The following NEK1 variants were observed in gnomAD, a reference collection of about 807,000 sequenced individuals.
NEK1 encodes the protein NIMA related kinase 1, also known as serine/threonine-protein kinase Nek1.
A neutral mutation model predicts 182.1 loss-of-function variants in NEK1; 137 were observed. The ratio of observed to expected loss-of-function variants is 0.75; its 90% CI spans 0.65 to 0.87. The LOEUF (loss-of-function observed/expected upper bound fraction) is 0.87, where lower values mean the gene tolerates loss of function less well. Ranked by LOEUF, NEK1 falls within the 40% of genes least tolerant of loss-of-function variation. The pLI is 0.00. For missense variants in NEK1, 1,391 were observed against 1,494.4 expected (o/e 0.93, Z 1.14); for synonymous variants, 513 against 492.2 (o/e 1.04, Z -0.56).
At chr4:169,450,290 C>A (rs1471785785) in intron 27 of NEK1, among the ~76,000 whole-genome samples, 4 of 152,134 alleles carry the variant, frequency 2.6e-5, no homozygotes, top group African/African-American at 7.2e-5. Context: ...CCCAACCTGG[C>A]AAGGCAGGCC....
intron 5 of NEK1, among the ~76,000 whole-genome samples, chr4:169,591,324 GT>G (rs201108020): frequency 6.6e-6 from 1 of 151,028 alleles, no homozygotes; most frequent in African/African-American, 2.4e-5. Context: ...TTTTATTTTT[GT>G]TTTTTTTACA....
chr4:169,569,757 G>T (rs1367483405), intron 12 of NEK1, among the ~76,000 whole-genome samples: 2 of 150,988 alleles, frequency 1.3e-5, no homozygotes, highest in Non-Finnish European at 3.0e-5. Context: ...GCCTCCCGAG[G>T]TGCCGGGATT....
chr4:169,596,165 G>C (rs771923075), intron 5 of NEK1, among the ~76,000 whole-genome samples: 1 of 152,042 alleles, frequency 6.6e-6, no homozygotes, highest in Non-Finnish European at 1.5e-5. Flanking sequence ...CCTGACGTTA[G>C]GATAGAAGAA....
chr4:169,510,807 G>GT lies in NEK1; in HGVS notation c.1666-1956dup, dbSNP rs147290921. The stretch of plus-strand genomic sequence containing the variant: ...GACAACTACTTGTGGTCTGTAAACT[G>GT]TACCATGATCTCACTCATCCTCTTA... On this transcript the variant is annotated intron_variant, in intron 19 of 35. Coordinates refer to ENST00000507142, the MANE Select transcript of NEK1 (RefSeq NM_001199397.3). Among the ~76,000 whole-genome samples the GT allele has an allele frequency of 7.9e-3, 1,209 of 152,206 alleles. 20 individuals are homozygous for GT. Among genetic ancestry groups the GT allele is most frequent in the African/African-American group, 0.027 (1,131 of 41,538 alleles).
In NEK1 at chr4:169,439,880, G is replaced by A. The variant is rs1401438614; in HGVS notation, c.2588-1621C>T. ...TTTTTTTTTTTTGTTAGAGACCTGA[G>A]TTTTGCTCTGTCACCCAGTGCGGTG... is the stretch of plus-strand genomic sequence containing the variant. On this transcript the variant is annotated intron_variant, in intron 27 of 35. Transcript: ENST00000507142. Among the ~76,000 whole-genome samples the A allele has an allele frequency of 8.7e-5, 12 of 138,282 alleles. No homozygotes were observed. In the South Asian group the frequency reaches 2.8e-3, roughly 32 times the overall value. 90.7% of individuals were successfully genotyped at this position (138,282 alleles called of 152,430 possible). A position where few individuals can be genotyped will look rare whatever the true frequency, so the allele number is the denominator to read the frequency against.
intron 5 of NEK1, among the ~76,000 whole-genome samples, chr4:169,596,199 T>A (rs916213076): frequency 1.8e-4 from 28 of 152,266 alleles, no homozygotes; most frequent in African/African-American, 6.7e-4. Context: ...TTTTTAAAAA[T>A]CCAATCAAAG....
At chr4:169,570,303 C>T (rs1347425936) in intron 12 of NEK1, among the ~76,000 whole-genome samples, 3 of 152,040 alleles carry the variant, frequency 2.0e-5, no homozygotes, top group African/African-American at 7.3e-5. Context: ...CAGCAGCCAC[C>T]CCGTCTGGGA....
At chr4:169,489,461 T>C (rs1026052707) in intron 23 of NEK1, among the ~76,000 whole-genome samples, 14 of 151,878 alleles carry the variant, frequency 9.2e-5, no homozygotes, top group Non-Finnish European at 1.9e-4. Context: ...AGCAAGGGAG[T>C]GGCAGAAACC....
chr4:169,414,242 A>G (rs545712177), intron 31 of NEK1, among the ~76,000 whole-genome samples: 1 of 152,306 alleles, frequency 6.6e-6, no homozygotes, highest in Non-Finnish European at 1.5e-5. Context: ...ATTTGCTTAA[A>G]TTTTAATGAG....
At chr4:169,528,844 A>G (rs1757270024) in intron 19 of NEK1, among the ~76,000 whole-genome samples, 1 of 152,214 alleles carries the variant, frequency 6.6e-6, no homozygotes, top group Non-Finnish European at 1.5e-5. Flanking sequence ...TGGAACATTC[A>G]CTATGACAGA....
At chr4:169,547,587 C>G (rs369290193) in intron 18 of NEK1, among the ~76,000 whole-genome samples, 3 of 152,152 alleles carry the variant, frequency 2.0e-5, no homozygotes, top group East Asian at 1.9e-4. Flanking sequence ...TGGTTTCATT[C>G]TCCCCGTCAC....
intron 28 of NEK1, among the ~76,000 whole-genome samples, chr4:169,434,294 C>A (rs1460527913): frequency 6.7e-6 from 1 of 150,236 alleles, no homozygotes; most frequent in Non-Finnish European, 1.5e-5. Flanking sequence ...CTCACTACAA[C>A]CTACACCTCC....
chr4:169,475,064 C>T (rs1295343337), intron 26 of NEK1, among the ~76,000 whole-genome samples: 2 of 152,026 alleles, frequency 1.3e-5, no homozygotes. Context: ...TGAGATGATC[C>T]CTATGATTGC....
At chr4:169,398,348 GA>G (rs902370350) in intron 35 of NEK1, among the ~76,000 whole-genome samples, 14 of 150,426 alleles carry the variant, frequency 9.3e-5, no homozygotes, top group Non-Finnish European at 1.8e-4. Context: ...TCTCATGCCT[GA>G]AAAAAATACT....
intron 31 of NEK1, among the ~76,000 whole-genome samples, chr4:169,409,202 T>C (rs537788620): frequency 3.5e-4 from 54 of 152,200 alleles, no homozygotes; most frequent in African/African-American, 1.3e-3. Flanking sequence ...TGGAGTGCAG[T>C]GGCGCGATCT....
intron 19 of NEK1, among the ~76,000 whole-genome samples, chr4:169,511,982 A>G (rs1754265804): frequency 1.3e-5 from 2 of 152,274 alleles, no homozygotes; most frequent in Admixed American, 1.3e-4. Flanking sequence ...GGGTGGATAT[A>G]GTGTTATGAT....
At chr4:169,438,012 G>T in intron 28 of NEK1, 71 bp downstream of exon 28, 1 of 1,184,346 alleles carries the variant, frequency 8.4e-7, no homozygotes, top group Non-Finnish European at 1.2e-6. Flanking sequence ...TTGATAATCT[G>T]TTTATAAAGC....
At chr4:169,549,906 A>T (rs114979117) in intron 18 of NEK1, among the ~76,000 whole-genome samples, 2,388 of 152,190 alleles carry the variant, frequency 0.016, 31 homozygotes, top group Non-Finnish European at 0.023. Flanking sequence ...TTATTTTAGT[A>T]GAGATGGGGT....
chr4:169,448,229 GA>G (rs535492944), intron 27 of NEK1, among the ~76,000 whole-genome samples: 4 of 147,762 alleles, frequency 2.7e-5, no homozygotes, highest in South Asian at 2.1e-4. Context: ...CCTGTCTCAA[GA>G]AAAAAAAAAT....
Sources: allele counts gnomAD v4.1 joint callset (sites outside exome capture counted in the v4.1 genomes callset), GRCh38; gene constraint gnomAD v4.1.1; transcripts MANE v1.5; gene names NCBI Gene and HGNC (gene_info 2026-07-23, HGNC 2026-07-21).